CAMTA1: variants seen among roughly 807,000 people sequenced by gnomAD.
CAMTA1 encodes the protein calmodulin binding transcription activator 1.
In CAMTA1, 27 loss-of-function variants were observed where a neutral mutation model predicts 170.9. That is an observed-to-expected ratio of 0.16 (90% CI 0.12 to 0.22). The LOEUF is 0.22. Ranked by LOEUF, CAMTA1 falls within the 10% of genes least tolerant of loss-of-function variation. The pLI is 1.00. For missense variants in CAMTA1, 1,619 were observed against 2,217.2 expected, an observed-to-expected ratio of 0.73 and a Z score of 5.42; for synonymous variants, 833 against 891.5, an observed-to-expected ratio of 0.93 and a Z score of 1.17.
At position 7,091,110 on chromosome 1, in the gene CAMTA1, G is replaced by A. The variant is rs1017455038; in HGVS notation, c.235-194G>A. On this transcript the variant is annotated intron_variant, in intron 3 of 22. Transcript: ENST00000303635. ...GAGGCCCAGTGCTTTGATTACTACCGTGTGACAGGTTGAATGGAAAGGCCT... is the reference window on the plus strand; with the variant it reads ...GAGGCCCAGTGCTTTGATTACTACCATGTGACAGGTTGAATGGAAAGGCCT... Among the ~76,000 whole-genome samples, 5 of 152,146 alleles carry A rather than the reference G, an allele frequency of 3.3e-5. 1 individual carries two copies. Among genetic ancestry groups the A allele is most frequent in the Non-Finnish European group, 5.9e-5 (4 of 68,006 alleles).
At position 7,562,881 on chromosome 1, in the gene CAMTA1, G is replaced by A. The variant is rs983900753; in HGVS notation, c.511-77519G>A. Among the ~76,000 whole-genome samples the A allele has an allele frequency of 7.2e-5, 11 of 152,236 alleles. No individual in the cohort carries two copies. The highest frequency in any genetic ancestry group is 2.4e-4 in the African/African-American group (10 of 41,564). On this transcript the variant is annotated intron_variant, in intron 6 of 22. Coordinates refer to ENST00000303635, the MANE Select transcript of CAMTA1 (RefSeq NM_015215.4). The surrounding 1 kb of genome is among the most constrained non-coding windows in gnomAD (Gnocchi z 4.8). ...CTGCAGCCTGTCAACAGCCAGCTCC[G>A]GGACTCTCCCAGGGCCCCATGGGCT...
intron 3 of CAMTA1, among the ~76,000 whole-genome samples, chr1:6,868,377 C>T (rs895237348): frequency 2.0e-5 from 3 of 148,762 alleles, no homozygotes; most frequent in South Asian, 2.1e-4. Flanking sequence ...GGTTAAAAAA[C>T]GACTGTATAG....
chr1:6,977,102 C>T (rs889164207), intron 3 of CAMTA1, among the ~76,000 whole-genome samples: 2 of 152,118 alleles, frequency 1.3e-5, no homozygotes, highest in African/African-American at 4.8e-5. Context: ...TTATTAGCAG[C>T]GTCAGAACAG....
chr1:7,620,685 T>C (rs2095592071), intron 6 of CAMTA1, among the ~76,000 whole-genome samples: 1 of 151,920 alleles, frequency 6.6e-6, no homozygotes, highest in African/African-American at 2.4e-5. Flanking sequence ...ACCTCATAAA[T>C]GTGGGTTAGA....
At chr1:7,118,898 T>C (rs1391183127) in intron 4 of CAMTA1, among the ~76,000 whole-genome samples, 1 of 152,216 alleles carries the variant, frequency 6.6e-6, no homozygotes, top group Non-Finnish European at 1.5e-5. Context: ...ACAAGCTGTG[T>C]TTGTCAGAAG....
At chr1:7,476,829 A>T (rs557114941) in intron 6 of CAMTA1, among the ~76,000 whole-genome samples, 114 of 152,304 alleles carry the variant, frequency 7.5e-4, no homozygotes, top group African/African-American at 2.6e-3. Context: ...AGTAGCAATA[A>T]CAACAGTCAT....
chr1:7,663,930 C>G lies in CAMTA1; in HGVS notation c.1383C>G (p.Ser461=). Residue 461 remains serine, a synonymous_variant, in exon 9 of 23, where the codon TCC becomes TCG. Transcript: ENST00000303635. The part of the protein sequence containing the change: ...ESLSMLPTNV[S]EELVLSTTLD... Reference sequence around the variant, plus strand: ...TGTCCATGCTGCCCACCAACGTGTCCGAAGAGCTGGTCCTCTCCACCACCC... The same window carrying G: ...TGTCCATGCTGCCCACCAACGTGTCGGAAGAGCTGGTCCTCTCCACCACCC... 1 of 1,613,862 alleles carries G rather than the reference C, an allele frequency of 6.2e-7. No individual in the cohort carries two copies.
At chr1:7,327,097 A>G (rs997932264) in intron 5 of CAMTA1, among the ~76,000 whole-genome samples, 4 of 151,950 alleles carry the variant, frequency 2.6e-5, no homozygotes, top group South Asian at 2.1e-4. Flanking sequence ...GGCGGGGGGG[A>G]AAGTCTGTTG....
intron 5 of CAMTA1, among the ~76,000 whole-genome samples, chr1:7,258,883 A>T (rs1667783570): frequency 6.6e-6 from 1 of 152,128 alleles, no homozygotes; most frequent in Admixed American, 6.6e-5. Flanking sequence ...GGCGTGGATT[A>T]GGCACCAGCA....
intron 3 of CAMTA1, among the ~76,000 whole-genome samples, chr1:6,863,555 G>C (rs932145353): frequency 6.6e-6 from 1 of 152,170 alleles, no homozygotes; most frequent in Non-Finnish European, 1.5e-5. Flanking sequence ...TTCCTCCCAC[G>C]TCCCCTTCCG....
chr1:7,133,574 A>G (rs77191902), intron 4 of CAMTA1, among the ~76,000 whole-genome samples: 2,285 of 152,264 alleles, frequency 0.015, 61 homozygotes, highest in African/African-American at 0.053. Flanking sequence ...TGCACTGTCA[A>G]TATGTGAAAA....
chr1:7,634,649 C>G lies in CAMTA1; in HGVS notation c.511-5751C>G, dbSNP rs576407237. On this transcript the variant is annotated intron_variant, in intron 6 of 22. Coordinates refer to ENST00000303635, the MANE Select transcript of CAMTA1 (RefSeq NM_015215.4). This position sits in a 1 kb window ranked among gnomAD's most constrained non-coding sequence, Gnocchi z 6.2. ...AGGCTGGACGCTGGTGGAGGAAGGGCCTCTGTACACAGCAAGAGGAGAGCT... is the reference window on the plus strand; with the variant it reads ...AGGCTGGACGCTGGTGGAGGAAGGGGCTCTGTACACAGCAAGAGGAGAGCT... Among the ~76,000 whole-genome samples, 1 of 152,166 alleles carries G rather than the reference C, an allele frequency of 6.6e-6. No homozygotes were observed. The highest frequency in any genetic ancestry group is 2.1e-4 in the South Asian group (1 of 4,816).
chr1:7,035,299 C>T (rs139785655), intron 3 of CAMTA1, among the ~76,000 whole-genome samples: 6,327 of 151,996 alleles, frequency 0.042, 204 homozygotes, highest in African/African-American at 0.089. Flanking sequence ...ACTTGGGAGG[C>T]TGAGGCAGGA....
At chr1:6,909,864 C>G (rs1448071331) in intron 3 of CAMTA1, among the ~76,000 whole-genome samples, 7 of 152,230 alleles carry the variant, frequency 4.6e-5, no homozygotes, top group African/African-American at 1.7e-4. Context: ...ATAGTGGTGA[C>G]TTTTGGCTTT....
intron 5 of CAMTA1, among the ~76,000 whole-genome samples, chr1:7,447,328 T>C (rs1215261252): frequency 1.3e-5 from 2 of 150,682 alleles, no homozygotes; most frequent in Non-Finnish European, 3.0e-5. Context: ...ATGGATGGCA[T>C]GACACCGTCT....
chr1:7,528,069 CCAGA>C (rs2094449855), intron 6 of CAMTA1, among the ~76,000 whole-genome samples: 1 of 152,200 alleles, frequency 6.6e-6, no homozygotes, highest in Non-Finnish European at 1.5e-5. Flanking sequence ...ATCCCACAGC[CCAGA>C]CAAAGGTGCC....
At chr1:7,411,725 G>A (rs192081396) in intron 5 of CAMTA1, among the ~76,000 whole-genome samples, 296 of 152,100 alleles carry the variant, frequency 1.9e-3, no homozygotes, top group Non-Finnish European at 3.1e-3. Flanking sequence ...GAATGATTGT[G>A]ATGGGATAAA....
At chr1:6,862,476 A>G (rs984106482) in intron 3 of CAMTA1, among the ~76,000 whole-genome samples, 1 of 152,230 alleles carries the variant, frequency 6.6e-6, no homozygotes, top group Admixed American at 6.5e-5. Context: ...TGCCATGAAC[A>G]TAGGTGTAAA....
At chr1:7,271,303 C>A (rs1669763507) in intron 5 of CAMTA1, among the ~76,000 whole-genome samples, 1 of 152,140 alleles carries the variant, frequency 6.6e-6, no homozygotes, top group South Asian at 2.1e-4. Flanking sequence ...AAACTCTCAT[C>A]AGAAACAAAT....
Sources: allele counts gnomAD v4.1 joint callset (sites outside exome capture counted in the v4.1 genomes callset), GRCh38; gene constraint gnomAD v4.1.1; non-coding constraint Gnocchi (gnomAD v3.1); transcripts MANE v1.5; gene names NCBI Gene and HGNC (gene_info 2026-07-23, HGNC 2026-07-21).